NOS1: variants seen among roughly 807,000 people sequenced by gnomAD.
NOS1 encodes the protein NOS type I.
NOS1 carries 51 observed loss-of-function variants against 164.5 expected under a neutral mutation model. The ratio of observed to expected loss-of-function variants is 0.31; its 90% CI spans 0.25 to 0.39. NOS1 has a LOEUF of 0.39. Ranked by LOEUF, NOS1 falls within the 10% of genes least tolerant of loss-of-function variation. NOS1 has a pLI of 1.00. For synonymous variants in NOS1, 719 were observed against 745.8 expected (o/e 0.96, Z 0.59); for missense variants, 1,362 against 1,885.6 (o/e 0.72, Z 5.14).
At chr12:117,277,658 A>G (rs896636769) in intron 9 of NOS1, among the ~76,000 whole-genome samples, 1 of 152,166 alleles carries the variant, frequency 6.6e-6, no homozygotes, top group Admixed American at 6.6e-5. Flanking sequence ...TCGCAACAAG[A>G]AAGTATGGTG....
In NOS1 at chr12:117,215,101, A is replaced by C. The variant is rs1956584225; in HGVS notation, c.*208T>G. 1 of 1,261,096 alleles carries C rather than the reference A, an allele frequency of 7.9e-7. No individual in the cohort carries two copies. Among genetic ancestry groups the C allele is most frequent in the Non-Finnish European group, 1.0e-6 (1 of 997,392 alleles). 78.1% of individuals were successfully genotyped at this position (1,261,096 alleles called of 1,614,324 possible). ...TTGTAAGAGCCACTGCAGATTAGAA[A>C]AGCATTGCATCGCAGCAGGAAAACT... On this transcript the variant is annotated 3_prime_UTR_variant, in exon 29 of 29. Transcript: ENST00000317775.
chr12:117,240,556 G>A (rs7979667), intron 20 of NOS1, among the ~76,000 whole-genome samples: 1,712 of 152,254 alleles, frequency 0.011, 31 homozygotes, highest in African/African-American at 0.039. Flanking sequence ...TAACCGGGTC[G>A]GTGTGACCTT....
chr12:117,292,017 G>A (rs1873097948), intron 3 of NOS1, among the ~76,000 whole-genome samples: 1 of 152,170 alleles, frequency 6.6e-6, no homozygotes, highest in Non-Finnish European at 1.5e-5. Context: ...TGACACTCAT[G>A]CAAAGAGTAC....
intron 22 of NOS1, among the ~76,000 whole-genome samples, chr12:117,231,730 G>C (rs1869250396): frequency 6.6e-6 from 1 of 152,214 alleles, no homozygotes; most frequent in South Asian, 2.1e-4. Flanking sequence ...AGCAATTTCT[G>C]TTGTAGCCAG....
At chr12:117,357,801 A>C (rs1237847641) in intron 1 of NOS1, among the ~76,000 whole-genome samples, 1 of 152,232 alleles carries the variant, frequency 6.6e-6, no homozygotes, top group Non-Finnish European at 1.5e-5. Context: ...TCGCTGGATT[A>C]GATGATGTTT....
At chr12:117,298,895 C>T (rs1873605103) in intron 3 of NOS1, among the ~76,000 whole-genome samples, 3 of 152,210 alleles carry the variant, frequency 2.0e-5, no homozygotes, top group African/African-American at 7.2e-5. Flanking sequence ...GAGCTAAGGC[C>T]TAAACTTGTA....
In NOS1 at chr12:117,330,293, C is replaced by T; in HGVS notation, c.725+52G>A. 6.8e-7 allele frequency: 1 copy of T among 1,464,576 alleles called. No individual in the cohort carries two copies. The highest frequency in any genetic ancestry group is 9.0e-7 in the Non-Finnish European group (1 of 1,107,104). The allele number at this position is 1,464,576 out of a possible 1,614,324, so 90.7% of individuals were successfully genotyped here. A position where few individuals can be genotyped will look rare whatever the true frequency, so the allele number is the denominator to read the frequency against. ...CTCAGTAGACGCACATGCACACACA[C>T]AAGCATGCACACACACACACACACA... On this transcript the variant is annotated intron_variant, in intron 2 of 28. Coordinates refer to ENST00000317775, the MANE Select transcript of NOS1 (RefSeq NM_000620.5). The surrounding 1 kb of genome is among the most constrained non-coding windows in gnomAD (Gnocchi z 4.6).
chr12:117,212,146 C>A lies in NOS1; in HGVS notation c.*3163G>T. The A allele has an allele frequency of 1.0e-6, 1 of 985,382 alleles. No homozygotes were observed. Among genetic ancestry groups the A allele is most frequent in the Non-Finnish European group, 1.2e-6 (1 of 829,932 alleles). The allele number at this position is 985,382 out of a possible 1,614,324, so 61.0% of individuals were successfully genotyped here. A position where few individuals can be genotyped will look rare whatever the true frequency, so the allele number is the denominator to read the frequency against. ...TGCAAACTGCCCGGTGCCTTCCACA[C>A]ACTGGAGAAGCAAGACATGTTATAA... On this transcript the variant is annotated 3_prime_UTR_variant, in exon 29 of 29. Transcript: ENST00000317775.
At position 117,295,615 on chromosome 12, in the gene NOS1, C is replaced by CTTTTT. The variant is rs33913257; in HGVS notation, c.853-5194_853-5190dup. ...ATGTTAGAGATCTTTCCTGATCATTCTTTTTTTTTTTTTTTTTTTTGAGAC... is the reference window on the plus strand; with the variant it reads ...ATGTTAGAGATCTTTCCTGATCATTCTTTTTTTTTTTTTTTTTTTTTTTTTGAGAC... On this transcript the variant is annotated intron_variant, in intron 3 of 28. Transcript: ENST00000317775. Among the ~76,000 whole-genome samples, 28 of 105,092 alleles carry CTTTTT rather than the reference C, an allele frequency of 2.7e-4. 1 individual carries two copies. Among genetic ancestry groups the CTTTTT allele is most frequent in the Non-Finnish European group, 3.5e-4 (19 of 54,766 alleles). 68.9% of individuals were successfully genotyped at this position (105,092 alleles called of 152,430 possible).
In NOS1 at chr12:117,212,131, C is replaced by T. The variant is rs544077774; in HGVS notation, c.*3178G>A. 30 of 985,302 alleles carry T rather than the reference C, an allele frequency of 3.0e-5. No individual in the cohort carries two copies. The Admixed American group carries it at 1.8e-3, about 59-fold the overall frequency. 61.0% of individuals were successfully genotyped at this position (985,302 alleles called of 1,614,324 possible). A position where few individuals can be genotyped will look rare whatever the true frequency, so the allele number is the denominator to read the frequency against. ...TGTTTTGCTTATCTCTGCAAACTGC[C>T]CGGTGCCTTCCACACACTGGAGAAG... On this transcript the variant is annotated 3_prime_UTR_variant, in exon 29 of 29. Coordinates refer to ENST00000317775, the MANE Select transcript of NOS1 (RefSeq NM_000620.5).
At chr12:117,291,529 C>CTTGTTTTTTT (rs1555256441) in intron 3 of NOS1, among the ~76,000 whole-genome samples, 1 of 97,376 alleles carries the variant, frequency 1.0e-5, no homozygotes, top group Non-Finnish European at 2.0e-5. Context: ...TTACATCTGT[C>CTTGTTTTTTT]TTTTTTTTTT....
At chr12:117,256,284 G>GGTTTTTT (rs1555252509) in intron 16 of NOS1, among the ~76,000 whole-genome samples, 4 of 118,488 alleles carry the variant, frequency 3.4e-5, no homozygotes, top group Non-Finnish European at 6.5e-5. Context: ...GGGATTTTCT[G>GGTTTTTT]TTTTTTTTTT....
intron 1 of NOS1, among the ~76,000 whole-genome samples, chr12:117,357,687 G>C (rs909291544): frequency 6.6e-6 from 1 of 152,192 alleles, no homozygotes; most frequent in African/African-American, 2.4e-5. Flanking sequence ...TCTCCCCCAG[G>C]AATGCTGATT....
chr12:117,265,626 G>C, intron 11 of NOS1, 116 bp from the exon 12 acceptor site: 3 of 646,492 alleles, frequency 4.6e-6, no homozygotes, highest in Non-Finnish European at 7.3e-6. Context: ...GTTTAGAGCA[G>C]CGTGAAGTGA....
chr12:117,300,169 T>C (rs1873722542), intron 3 of NOS1, among the ~76,000 whole-genome samples: 1 of 152,138 alleles, frequency 6.6e-6, no homozygotes, highest in South Asian at 2.1e-4. Context: ...GGGAGGTTGG[T>C]TTTGGCAACT....
chr12:117,344,863 G>A (rs1161313288), intron 1 of NOS1, among the ~76,000 whole-genome samples: 3 of 152,098 alleles, frequency 2.0e-5, no homozygotes, highest in Non-Finnish European at 4.4e-5. Flanking sequence ...AAATAACAAG[G>A]GTAGAAGTCA....
chr12:117,323,861 A>C (rs992487323), intron 2 of NOS1, among the ~76,000 whole-genome samples: 1 of 152,054 alleles, frequency 6.6e-6, no homozygotes. Context: ...AACTCACTGC[A>C]ATCTCTGCCT....
rs963970061 is a variant in NOS1, at chr12:117,226,739, G to A, written c.3648C>T (p.Cys1216=). ...CCTGTATCCGGTTGAGCCAGGAGGA[G>A]CATACGCCGTGGTGAATTGGTCCTT... is the stretch of plus-strand genomic sequence containing the variant. ...DGEGPIHHGV[C]SSWLNRIQAD... is the part of the protein sequence containing the mutation. The change falls in exon 24 of 29, where the codon TGC becomes TGT. Residue 1216 remains cysteine, a synonymous_variant. Transcript: ENST00000317775. The A allele has an allele frequency of 2.5e-6, 4 of 1,613,944 alleles. No homozygotes were observed. Among genetic ancestry groups the A allele is most frequent in the Non-Finnish European group, 3.4e-6 (4 of 1,179,958 alleles).
intron 1 of NOS1, among the ~76,000 whole-genome samples, chr12:117,357,152 G>A (rs565722016): frequency 2.0e-5 from 3 of 152,252 alleles, no homozygotes; most frequent in South Asian, 2.1e-4. Context: ...ACAAAACCCC[G>A]TCTCTACAAA....
Sources: gnomAD v4.1 joint callset for allele counts (sites outside exome capture counted in the v4.1 genomes callset) on GRCh38, gnomAD v4.1.1 for gene constraint, Gnocchi (gnomAD v3.1) non-coding constraint, MANE v1.5 for transcripts, NCBI Gene and HGNC (gene_info 2026-07-23, HGNC 2026-07-21) for gene names.